The following CNTNAP2 variants were observed in gnomAD, a reference collection of about 807,000 sequenced individuals.
The protein encoded by CNTNAP2 is contactin-associated protein-like 2.
In CNTNAP2, 98 loss-of-function variants were observed where a neutral mutation model predicts 155.2. The observed-to-expected ratio is 0.63, with a 90% CI of 0.54 to 0.75. The LOEUF (loss-of-function observed/expected upper bound fraction) is 0.75. Ranked by LOEUF, CNTNAP2 falls within the 30% of genes least tolerant of loss-of-function variation. The probability of loss-of-function intolerance (pLI) is 0.00; values close to 1 mark genes in which losing one functional copy is unlikely to be tolerated. For missense variants in CNTNAP2, 1,727 were observed against 1,688.1 expected (o/e 1.02, Z -0.40); for synonymous variants, 651 against 631.2 (o/e 1.03, Z -0.47).
At chr7:146,829,988 T>C (rs1803479521) in intron 2 of CNTNAP2, among the ~76,000 whole-genome samples, 1 of 152,104 alleles carries the variant, frequency 6.6e-6, no homozygotes, top group African/African-American at 2.4e-5. Flanking sequence ...TTGTTTCTTA[T>C]TGATTTGTGG....
intron 3 of CNTNAP2, among the ~76,000 whole-genome samples, chr7:147,037,399 T>C (rs1312221608): frequency 6.6e-6 from 1 of 151,772 alleles, no homozygotes; most frequent in Non-Finnish European, 1.5e-5. Flanking sequence ...ACTTGTTACT[T>C]TGTCCCAAGT....
chr7:146,485,303 G>T (rs948519445), intron 1 of CNTNAP2, among the ~76,000 whole-genome samples: 3 of 152,180 alleles, frequency 2.0e-5, no homozygotes, highest in African/African-American at 7.2e-5. Flanking sequence ...CAGGCAGGCT[G>T]GGAGGGAGGA....
intron 1 of CNTNAP2, among the ~76,000 whole-genome samples, chr7:146,188,139 A>G (rs1798649135): frequency 6.6e-6 from 1 of 152,204 alleles, no homozygotes; most frequent in Non-Finnish European, 1.5e-5. Context: ...ACTATCCCTG[A>G]AGAAAAAACA....
intron 9 of CNTNAP2, among the ~76,000 whole-genome samples, chr7:147,329,568 G>C (rs2116838100): frequency 6.6e-6 from 1 of 152,202 alleles, no homozygotes; most frequent in South Asian, 2.1e-4. Flanking sequence ...TCATGGTGCA[G>C]GTGTAAGCAT....
At chr7:147,112,542 C>A (rs910272633) in intron 5 of CNTNAP2, among the ~76,000 whole-genome samples, 3 of 152,164 alleles carry the variant, frequency 2.0e-5, no homozygotes, top group African/African-American at 7.2e-5. Flanking sequence ...GAGGTATGTT[C>A]CTTCAAAACC....
chr7:146,558,155 A>G, intron 1 of CNTNAP2, among the ~76,000 whole-genome samples: 1 of 152,298 alleles, frequency 6.6e-6, no homozygotes, highest in Non-Finnish European at 1.5e-5. Context: ...GAGGTTGCTC[A>G]TAGGACTTGT....
intron 1 of CNTNAP2, among the ~76,000 whole-genome samples, chr7:146,559,578 A>G (rs1483649683): frequency 2.0e-5 from 3 of 152,164 alleles, no homozygotes; most frequent in Admixed American, 6.5e-5. Context: ...AAATAAATAA[A>G]TAAATAAAAT....
intron 1 of CNTNAP2, among the ~76,000 whole-genome samples, chr7:146,627,726 TAA>T (rs1799443539): frequency 6.6e-6 from 1 of 152,162 alleles, no homozygotes; most frequent in Admixed American, 6.6e-5. Context: ...ATTACAGTTA[TAA>T]TATTCTGTTC....
Position 147,977,914 on chromosome 7 carries a change from G to A in CNTNAP2, c.2308G>A (p.Val770Met), listed in dbSNP as rs1409403891. 1.9e-6 allele frequency: 3 copies of A among 1,614,116 alleles called. No homozygotes were observed. The highest frequency in any genetic ancestry group is 2.5e-6 in the Non-Finnish European group (3 of 1,180,014). The change falls in exon 15 of 24, where the codon GTG becomes ATG. Residue 770 changes from valine (V) to methionine (M), a missense_variant. By Grantham distance (21) the Val-to-Met change is conservative. Coordinates refer to ENST00000361727, the MANE Select transcript of CNTNAP2 (RefSeq NM_014141.6). ...SYKDHLPVSQ[V>M]VVGDTDRQGS... ...CAAAGATCACCTGCCAGTGAGCCAA[G>A]TGGTGGTTGGAGATACTGACCGTCA...
chr7:148,205,120 A>C (rs943444576), intron 18 of CNTNAP2, among the ~76,000 whole-genome samples: 1 of 152,220 alleles, frequency 6.6e-6, no homozygotes, highest in Non-Finnish European at 1.5e-5. Flanking sequence ...ACCGCGAATT[A>C]AAATGGTGTT....
At chr7:146,512,949 G>A (rs1232071764) in intron 1 of CNTNAP2, among the ~76,000 whole-genome samples, 19 of 151,768 alleles carry the variant, frequency 1.3e-4, no homozygotes, top group Non-Finnish European at 2.2e-4. Flanking sequence ...ACTAATATTT[G>A]TTTAAATATG....
chr7:147,457,441 C>A (rs965945475), intron 10 of CNTNAP2, among the ~76,000 whole-genome samples: 1 of 152,158 alleles, frequency 6.6e-6, no homozygotes, highest in Non-Finnish European at 1.5e-5. Context: ...CCAGAAAAGC[C>A]CATCTCCCAC....
At chr7:147,801,750 G>T (rs961431204) in intron 13 of CNTNAP2, among the ~76,000 whole-genome samples, 17 of 152,282 alleles carry the variant, frequency 1.1e-4, no homozygotes, top group African/African-American at 3.8e-4. Context: ...GCAACCATCC[G>T]ATTTCTCAAT....
chr7:148,103,821 G>A (rs1331102687), intron 15 of CNTNAP2, among the ~76,000 whole-genome samples: 1 of 152,102 alleles, frequency 6.6e-6, no homozygotes, highest in Non-Finnish European at 1.5e-5. Context: ...TCTTTCAATA[G>A]TATTTCCTTC....
rs528315189 is a variant in CNTNAP2, at chr7:147,615,587, A to T, written c.1898-23519A>T. Among the ~76,000 whole-genome samples the T allele has an allele frequency of 7.2e-5, 11 of 152,340 alleles. No individual in the cohort carries two copies. In the South Asian group the frequency reaches 8.3e-4, roughly 11 times the overall value. ...GCCATAATTGACAAATATTATTGGC[A>T]AATCCATCTTTATTGGATCATTCTT... is the stretch of plus-strand genomic sequence containing the variant. On this transcript the variant is annotated intron_variant, in intron 12 of 23. Transcript: ENST00000361727.
intron 5 of CNTNAP2, among the ~76,000 whole-genome samples, chr7:147,109,939 T>G (rs1490641934): frequency 6.6e-6 from 1 of 151,534 alleles, no homozygotes; most frequent in African/African-American, 2.4e-5. Flanking sequence ...ATTTACTTAT[T>G]TTTGAGTCAG....
At chr7:147,861,349 G>A (rs189051729) in intron 13 of CNTNAP2, among the ~76,000 whole-genome samples, 1 of 151,030 alleles carries the variant, frequency 6.6e-6, no homozygotes, top group Non-Finnish European at 1.5e-5. Context: ...AGATAAATAA[G>A]ACCTAGCCCA....
At chr7:146,467,393 A>G (rs1563095306) in intron 1 of CNTNAP2, among the ~76,000 whole-genome samples, 1 of 152,162 alleles carries the variant, frequency 6.6e-6, no homozygotes, top group East Asian at 1.9e-4. Context: ...GCAATTTTAC[A>G]CAGACTAATG....
chr7:146,810,251 A>C (rs1301653931), intron 2 of CNTNAP2, among the ~76,000 whole-genome samples: 2 of 145,690 alleles, frequency 1.4e-5, no homozygotes, highest in Non-Finnish European at 3.0e-5. Context: ...TGATTACTAC[A>C]GTTTTATAAC....
Sources: allele counts gnomAD v4.1 joint callset (sites outside exome capture counted in the v4.1 genomes callset), GRCh38; gene constraint gnomAD v4.1.1; transcripts MANE v1.5; gene names NCBI Gene and HGNC (gene_info 2026-07-23, HGNC 2026-07-21).